Variants in KDM4C observed in about 807,000 individuals in gnomAD.
KDM4C encodes lysine-specific demethylase 4C.
In KDM4C, 81 loss-of-function variants were observed where a neutral mutation model predicts 129.3. The ratio of observed to expected loss-of-function variants is 0.63; its 90% CI spans 0.52 to 0.75. KDM4C has a LOEUF of 0.75. Among genes scored for constraint, KDM4C ranks in the 30% least tolerant of loss-of-function variants. The pLI is 0.00. For synonymous variants in KDM4C, 573 were observed against 456.1 expected (o/e 1.26, Z -3.26); for missense variants, 1,457 against 1,304.0 (o/e 1.12, Z -1.81).
At chr9:6,887,333 G>T (rs1271847721) in intron 6 of KDM4C, among the ~76,000 whole-genome samples, 1 of 152,212 alleles carries the variant, frequency 6.6e-6, no homozygotes, top group Non-Finnish European at 1.5e-5. Context: ...TGAAAGGGTT[G>T]TTGTATGTTT....
At chr9:6,858,526 A>G (rs982871067) in intron 5 of KDM4C, among the ~76,000 whole-genome samples, 1 of 152,188 alleles carries the variant, frequency 6.6e-6, no homozygotes, top group African/African-American at 2.4e-5. Flanking sequence ...AGGGCTGGGC[A>G]TGGTTGGGAG....
intron 17 of KDM4C, among the ~76,000 whole-genome samples, chr9:7,057,379 T>G (rs1363077011): frequency 6.6e-6 from 1 of 152,254 alleles, no homozygotes; most frequent in African/African-American, 2.4e-5. Flanking sequence ...TGCATTCATC[T>G]ATATCATGCT....
intron 15 of KDM4C, among the ~76,000 whole-genome samples, chr9:7,036,977 C>T (rs1008400956): frequency 6.6e-6 from 1 of 152,180 alleles, no homozygotes; most frequent in African/African-American, 2.4e-5. Flanking sequence ...AAAGGTACTG[C>T]AGGACACTTG....
chr9:7,039,110 A>G (rs1051795931), intron 15 of KDM4C, among the ~76,000 whole-genome samples: 1 of 151,704 alleles, frequency 6.6e-6, no homozygotes, highest in African/African-American at 2.4e-5. Context: ...TCATCAGTAT[A>G]TTTTCCTATA....
At chr9:6,784,722 A>G (rs568686867) in intron 1 of KDM4C, among the ~76,000 whole-genome samples, 152 of 152,268 alleles carry the variant, frequency 1.0e-3, no homozygotes, top group Middle Eastern at 3.4e-3. Flanking sequence ...AGCTGCTTGG[A>G]CTTGTGAGAG....
At chr9:6,960,870 T>G (rs200165733) in intron 8 of KDM4C, among the ~76,000 whole-genome samples, 1 of 151,962 alleles carries the variant, frequency 6.6e-6, no homozygotes, top group South Asian at 2.1e-4. Flanking sequence ...AAAAATCACC[T>G]CAGTTGAGAA....
At chr9:6,919,593 A>ATCTG (rs1190070114) in intron 8 of KDM4C, among the ~76,000 whole-genome samples, 4 of 148,938 alleles carry the variant, frequency 2.7e-5, no homozygotes, top group Admixed American at 6.7e-5. Flanking sequence ...CTATCTATCT[A>ATCTG]GGATGGAGTT....
At chr9:7,088,218 A>C (rs1286499145) in intron 17 of KDM4C, among the ~76,000 whole-genome samples, 3 of 152,172 alleles carry the variant, frequency 2.0e-5, no homozygotes, top group Non-Finnish European at 2.9e-5. Context: ...AGGACCCTTA[A>C]AGTGGGCAGG....
intron 17 of KDM4C, among the ~76,000 whole-genome samples, chr9:7,091,818 C>T (rs1158161486): frequency 6.6e-6 from 1 of 152,184 alleles, no homozygotes; most frequent in African/African-American, 2.4e-5. Flanking sequence ...TCACATGGTG[C>T]TGAGGCAGGC....
chr9:6,908,241 A>G (rs1202607536), intron 8 of KDM4C, among the ~76,000 whole-genome samples: 2 of 152,218 alleles, frequency 1.3e-5, no homozygotes, highest in African/African-American at 4.8e-5. Context: ...TTAACCTAAA[A>G]TACCATCAAG....
chr9:7,105,731 C>T (rs1359895168), intron 18 of KDM4C, among the ~76,000 whole-genome samples: 2 of 152,114 alleles, frequency 1.3e-5, no homozygotes, highest in Admixed American at 6.5e-5. Flanking sequence ...TTCCAAAGCC[C>T]TGTGGTTACT....
chr9:6,774,913 T>C (rs1822679406), intron 1 of KDM4C, among the ~76,000 whole-genome samples: 1 of 152,204 alleles, frequency 6.6e-6, no homozygotes, highest in South Asian at 2.1e-4. Flanking sequence ...GATTTGTCTT[T>C]TATGCATTTA....
rs1176068878 is a variant in KDM4C, at chr9:7,159,147, AT to A, written c.2782-6089del. 4.0e-5 allele frequency among the ~76,000 whole-genome samples: 6 copies of A among 151,760 alleles called. No homozygotes were observed. The East Asian group carries it at 1.2e-3, about 30-fold the overall frequency. On this transcript the variant is annotated intron_variant, in intron 19 of 21. Transcript: ENST00000381309. ...TTGGTTTGAAGTCTGTTTAACCAGG[AT>A]TGCAATCCCTGCTTTTTTTGCTTTC...
intron 1 of KDM4C, among the ~76,000 whole-genome samples, chr9:6,752,544 G>A (rs1404279269): frequency 1.3e-5 from 2 of 150,696 alleles, no homozygotes; most frequent in African/African-American, 2.4e-5. Context: ...CTGAGTAGCT[G>A]GGTTTACAGG....
chr9:6,842,464 A>G (rs1285727051), intron 4 of KDM4C, among the ~76,000 whole-genome samples: 1 of 151,694 alleles, frequency 6.6e-6, no homozygotes, highest in Non-Finnish European at 1.5e-5. Flanking sequence ...TCTCTTGAGT[A>G]GCTGGGATTA....
intron 16 of KDM4C, among the ~76,000 whole-genome samples, chr9:7,047,559 G>A (rs1259652548): frequency 2.0e-5 from 3 of 151,720 alleles, no homozygotes; most frequent in African/African-American, 7.3e-5. Context: ...TGAAAATGGG[G>A]CCAAAGCATA....
chr9:6,834,523 GT>G, intron 4 of KDM4C: 1 of 662,572 alleles, frequency 1.5e-6, no homozygotes, highest in Non-Finnish European at 2.8e-6. Context: ...GGCTTCGCAG[GT>G]GACGATGACC....
In KDM4C at chr9:6,990,312, T is replaced by G. The variant is rs1818494033; in HGVS notation, c.1678-104T>G. ...CCCAAGAGGTAAACAACCACAAGAT[T>G]TCTTCAACATTAAGTGATAAATAAT... On this transcript the variant is annotated intron_variant, in intron 11 of 21. Transcript: ENST00000381309. The G allele has an allele frequency of 7.8e-6, 6 of 770,946 alleles. No homozygotes were observed. The East Asian group carries it at 1.6e-4, about 21-fold the overall frequency. 47.8% of individuals were successfully genotyped at this position (770,946 alleles called of 1,614,324 possible).
At chr9:6,779,995 C>T (rs774905867) in intron 1 of KDM4C, among the ~76,000 whole-genome samples, 1 of 152,158 alleles carries the variant, frequency 6.6e-6, no homozygotes, top group Admixed American at 6.5e-5. Flanking sequence ...AGCCAGCCAC[C>T]TACAGCTACT....
Sources: gnomAD v4.1 joint callset for allele counts (sites outside exome capture counted in the v4.1 genomes callset) on GRCh38, gnomAD v4.1.1 for gene constraint, MANE v1.5 for transcripts, NCBI Gene and HGNC (gene_info 2026-07-23, HGNC 2026-07-21) for gene names.